SI: variants seen among roughly 807,000 people sequenced by gnomAD.
SI encodes the protein sucrase-isomaltase, intestinal.
A neutral mutation model predicts 253.3 loss-of-function variants in SI; 235 were observed. The ratio of observed to expected loss-of-function variants is 0.93; its 90% confidence interval spans 0.83 to 1.03. The LOEUF (loss-of-function observed/expected upper bound fraction) is 1.03, where lower values mean the gene tolerates loss of function less well. SI is among the 50% of genes least tolerant of loss of function. The probability of loss-of-function intolerance (pLI) is 0.00; values close to 1 mark genes in which losing one functional copy is unlikely to be tolerated. For missense variants in SI, 2,442 were observed against 2,211.1 expected (o/e 1.10, Z -2.09); for synonymous variants, 819 against 712.0 (o/e 1.15, Z -2.39).
chr3:165,017,755 T>C lies in SI; in HGVS notation c.3633+6A>G, dbSNP rs200607020. On this transcript the variant is annotated splice_donor_region_variant and intron_variant, in intron 30 of 47. Coordinates refer to ENST00000264382, the MANE Select transcript of SI (RefSeq NM_001041.4). Reference sequence around the variant, plus strand: ...TAATTTTTTTAAAAGAAATATGCAATCATACTTCATGGTATTGCTTTGTTG... The same window carrying C: ...TAATTTTTTTAAAAGAAATATGCAACCATACTTCATGGTATTGCTTTGTTG... The C allele has an allele frequency of 6.2e-7, 1 of 1,606,446 alleles. No individual in the cohort carries two copies. Among genetic ancestry groups the C allele is most frequent in the East Asian group, 2.2e-5 (1 of 44,576 alleles).
At position 165,018,049 on chromosome 3, in the gene SI, A is replaced by T; in HGVS notation, c.3441T>A (p.Tyr1147Ter). 1 of 1,605,146 alleles carries T rather than the reference A, an allele frequency of 6.2e-7. No homozygotes were observed. Among genetic ancestry groups the T allele is most frequent in the Non-Finnish European group, 8.5e-7 (1 of 1,172,108 alleles). Residue 1147 changes from tyrosine (Y) to a stop codon, truncating the protein, a stop_gained, in exon 29 of 48, where the codon TAT becomes TAA. Transcript: ENST00000264382. LOFTEE classifies it high-confidence loss of function. The stretch of plus-strand genomic sequence containing the variant: ...GAGCCATGTAATAGGGATGAAATCC[A>T]TAGGAATTAAGTTTGTACTGAAATA... ...DQPPGYKLNS[Y>*]GFHPYYMALE... is the part of the protein sequence containing the mutation.
intron 25 of SI, among the ~76,000 whole-genome samples, chr3:165,024,374 G>A (rs1401780499): frequency 6.6e-6 from 1 of 151,294 alleles, no homozygotes; most frequent in Admixed American, 6.6e-5. Flanking sequence ...ATGGCTGGTT[G>A]CCATACCACA....
chr3:165,059,357 T>G, intron 10 of SI, 58 bp from the exon 11 acceptor site: 1 of 1,522,862 alleles, frequency 6.6e-7, no homozygotes, highest in Non-Finnish European at 9.1e-7. Context: ...TCTAATCAAG[T>G]CAATCTTTAA....
chr3:165,045,776 GGTT>G (rs756826896), intron 16 of SI, among the ~76,000 whole-genome samples: 2 of 92,550 alleles, frequency 2.2e-5, no homozygotes, highest in South Asian at 3.3e-4. Context: ...TTAATTCTTA[GGTT>G]GTTTTTTTTT....
At chr3:165,071,922 A>T (rs1261250879) in intron 3 of SI, among the ~76,000 whole-genome samples, 5 of 152,120 alleles carry the variant, frequency 3.3e-5, no homozygotes, top group African/African-American at 1.2e-4. Flanking sequence ...GAATTTTGTT[A>T]TGGCAGCCCG....
At chr3:165,087,156 C>A in the SI span, among the ~76,000 whole-genome samples, 89,477 of 150,854 alleles carry the variant, frequency 0.59, 26,687 homozygotes, top group East Asian at 0.81. Flanking sequence ...AACAAACAAA[C>A]AAAAAACTGT....
rs1360094442 is a variant in SI at position 164,983,018 on chromosome 3, T to G, written c.5231A>C (p.Gln1744Pro). ...TYERDLYLSV[Q>P]FNLNQTTLTS... ...CTTACATACCTGGTTTAAATTAAAT[T>G]GTACAGATAAATATAGGTCTCTTTC... The change falls in exon 46 of 48, where the codon CAA becomes CCA. Residue 1744 changes from glutamine (Q) to proline (P), a missense_variant. Gln to Pro is a moderately conservative substitution (Grantham distance 76). Coordinates refer to ENST00000264382, the MANE Select transcript of SI (RefSeq NM_001041.4). The G allele has an allele frequency of 7.1e-6, 11 of 1,547,674 alleles. No individual in the cohort carries two copies. The highest frequency in any genetic ancestry group is 1.4e-5 in the African/African-American group (1 of 73,756).
At chr3:164,992,260 T>C (rs370322470) in intron 42 of SI, 27 bp from the exon 43 acceptor site, 42 of 1,612,498 alleles carry the variant, frequency 2.6e-5, no homozygotes, top group Non-Finnish European at 3.1e-5. Context: ...TAGCCATTAG[T>C]TGTATATAAA....
At chr3:165,070,860 C>T (rs1398461856) in intron 3 of SI, among the ~76,000 whole-genome samples, 1 of 152,086 alleles carries the variant, frequency 6.6e-6, no homozygotes, top group African/African-American at 2.4e-5. Context: ...TAAGTCCTAA[C>T]TCAAGGTGTC....
intron 40 of SI, among the ~76,000 whole-genome samples, chr3:164,995,997 G>C (rs1439025831): frequency 2.0e-5 from 3 of 151,712 alleles, no homozygotes; most frequent in Non-Finnish European, 4.4e-5. Context: ...AAATTTTCCT[G>C]TTGAGATATT....
chr3:165,071,199 T>C (rs567983137), intron 3 of SI, among the ~76,000 whole-genome samples: 1 of 152,200 alleles, frequency 6.6e-6, no homozygotes, highest in Non-Finnish European at 1.5e-5. Context: ...TTATTTAACC[T>C]ACTACATATA....
chr3:165,089,889 A>G, the SI span, among the ~76,000 whole-genome samples: 1 of 152,178 alleles, frequency 6.6e-6, no homozygotes, highest in Admixed American at 6.6e-5. Flanking sequence ...TTTGAAAAAT[A>G]CGACAGAGAG....
In SI at chr3:165,062,455, T is replaced by C. The variant is rs775178187; in HGVS notation, c.936A>G (p.Val312=). 1 of 1,600,226 alleles carries C rather than the reference T, an allele frequency of 6.2e-7. No individual in the cohort carries two copies. Among genetic ancestry groups the C allele is most frequent in the Admixed American group, 1.7e-5 (1 of 59,808 alleles). ...GAATGCCACCGGTAACTCTATATGTTACTATTGGAGTAGGCTGGATAAAAA... is the reference window on the plus strand; with the variant it reads ...GAATGCCACCGGTAACTCTATATGTCACTATTGGAGTAGGCTGGATAAAAA... ...MEIFIQPTPI[V]TYRVTGGILD... is the part of the protein sequence containing the mutation. Residue 312 remains valine (V), a synonymous_variant, in exon 9 of 48, where the codon GTA becomes GTG. Coordinates refer to ENST00000264382, the MANE Select transcript of SI (RefSeq NM_001041.4).
At position 165,048,580 on chromosome 3, in the gene SI, T is replaced by G. The variant is rs143603774; in HGVS notation, c.1715+547A>C. On this transcript the variant is annotated intron_variant, in intron 15 of 47. Transcript: ENST00000264382. ...ACATATATATATGTATATATATATA[T>G]ATATAGAGAGAGAGAGAGAGAGAGA... Among the ~76,000 whole-genome samples, 317 of 109,840 alleles carry G rather than the reference T, an allele frequency of 2.9e-3. 1 individual carries two copies. The highest frequency in any genetic ancestry group is 0.012 in the South Asian group (44 of 3,530). 72.1% of individuals were successfully genotyped at this position (109,840 alleles called of 152,430 possible).
At chr3:165,026,656 A>C (rs967801591) in intron 25 of SI, among the ~76,000 whole-genome samples, 1 of 151,318 alleles carries the variant, frequency 6.6e-6, no homozygotes, top group African/African-American at 2.4e-5. Context: ...CTGGAAATCA[A>C]CTCCAAAAGG....
the SI span, among the ~76,000 whole-genome samples, chr3:165,088,700 T>C: frequency 6.6e-6 from 1 of 151,732 alleles, no homozygotes; most frequent in East Asian, 1.9e-4. Context: ...TGGGTCAAAT[T>C]GCTGGTAGCA....
At chr3:165,068,896 A>T (rs1298665583) in intron 4 of SI, 65 bp from the exon 5 acceptor site, 1 of 1,132,122 alleles carries the variant, frequency 8.8e-7, no homozygotes, top group Non-Finnish European at 1.3e-6. Flanking sequence ...TATTAAATAT[A>T]TTTATGTTAT....
chr3:165,049,402 G>C (rs1415745254), intron 14 of SI, among the ~76,000 whole-genome samples, 158 bp from the exon 15 acceptor site: 1 of 152,008 alleles, frequency 6.6e-6, no homozygotes, highest in Non-Finnish European at 1.5e-5. Context: ...CCTAAAATAA[G>C]TTCCAATTAG....
At chr3:165,062,345 T>A (rs769650559) in intron 9 of SI, 26 bp downstream of exon 9, 9 of 1,206,234 alleles carry the variant, frequency 7.5e-6, no homozygotes, top group East Asian at 4.7e-5. Context: ...GCAGAAAAAA[T>A]TTTATAAAAT....
Sources: gnomAD v4.1 joint callset for allele counts (sites outside exome capture counted in the v4.1 genomes callset) on GRCh38, gnomAD v4.1.1 for gene constraint, MANE v1.5 for transcripts, NCBI Gene and HGNC (gene_info 2026-07-23, HGNC 2026-07-21) for gene names.